PCDHGA7: variants seen among roughly 807,000 people sequenced by gnomAD.
The protein encoded by PCDHGA7 is protocadherin gamma subfamily A, 7.
A neutral mutation model predicts 58.3 loss-of-function variants in PCDHGA7; 44 were observed. The ratio of observed to expected loss-of-function variants is 0.75; its 90% CI spans 0.59 to 0.97. The LOEUF is 0.97. PCDHGA7 is among the 50% of genes least tolerant of loss of function. The pLI is 0.00. For missense variants in PCDHGA7, 1,266 were observed against 1,188.7 expected (o/e 1.06, Z -0.96); for synonymous variants, 516 against 504.2 (o/e 1.02, Z -0.31).
intron 1 of PCDHGA7, chr5:141,409,446 C>A: frequency 6.2e-7 from 1 of 1,613,984 alleles, no homozygotes; most frequent in Middle Eastern, 1.6e-4. Flanking sequence ...CGAGAGCAGA[C>A]ACCAGAATAC....
At chr5:141,389,080 C>T (rs762866893) in intron 1 of PCDHGA7, 8 of 1,613,866 alleles carry the variant, frequency 5.0e-6, no homozygotes, top group African/African-American at 2.7e-5. Flanking sequence ...TCAAGAAACA[C>T]GTATAAATTA....
Position 141,486,970 on chromosome 5 carries a change from T to G in PCDHGA7, c.2425-7837T>G, listed in dbSNP as rs754309905. 1 of 1,614,050 alleles carries G rather than the reference T, an allele frequency of 6.2e-7. No individual in the cohort carries two copies. Among genetic ancestry groups the G allele is most frequent in the African/African-American group, 1.3e-5 (1 of 74,904 alleles). ...CAAAGGTGACTGCTGTGGACTTGGATTCAGGTTACAATGCTTGGGTTTCCT... is the reference window on the plus strand; with the variant it reads ...CAAAGGTGACTGCTGTGGACTTGGAGTCAGGTTACAATGCTTGGGTTTCCT... On this transcript the variant is annotated intron_variant, in intron 1 of 3. Coordinates refer to ENST00000518325, the MANE Select transcript of PCDHGA7 (RefSeq NM_018920.4). This position sits in a 1 kb window ranked among gnomAD's most constrained non-coding sequence, Gnocchi z 5.0.
chr5:141,406,481 T>C (rs2094814987), intron 1 of PCDHGA7, among the ~76,000 whole-genome samples: 2 of 152,242 alleles, frequency 1.3e-5, no homozygotes, highest in Admixed American at 6.5e-5. Flanking sequence ...GGTTATATTT[T>C]TCAGATCACA....
intron 1 of PCDHGA7, chr5:141,408,828 G>C: frequency 6.2e-7 from 1 of 1,613,614 alleles, no homozygotes; most frequent in East Asian, 2.2e-5. Context: ...AGATCTCATA[G>C]CTTGATATTG....
rs775270875 is a variant in PCDHGA7 at position 141,410,577 on chromosome 5, A to G, written c.2424+25254A>G. ...TCTCCTGGAGCCTTAATTCCACCTCATGGTGGGGAGGATTTGACTTCACAT... is the reference window on the plus strand; with the variant it reads ...TCTCCTGGAGCCTTAATTCCACCTCGTGGTGGGGAGGATTTGACTTCACAT... On this transcript the variant is annotated intron_variant, in intron 1 of 3. Coordinates refer to ENST00000518325, the MANE Select transcript of PCDHGA7 (RefSeq NM_018920.4). 4 of 1,610,116 alleles carry G rather than the reference A, an allele frequency of 2.5e-6. No homozygotes were observed. In the Admixed American group the frequency reaches 5.0e-5, roughly 20 times the overall value.
intron 1 of PCDHGA7, chr5:141,395,337 T>G (rs1265011600): frequency 7.0e-7 from 1 of 1,433,514 alleles, no homozygotes; most frequent in African/African-American, 1.4e-5. Context: ...AAATAATTTT[T>G]AAGGTGTATC....
Position 141,490,293 on chromosome 5 carries a change from A to G in PCDHGA7, c.2425-4514A>G, listed in dbSNP as rs1316965652. On this transcript the variant is annotated intron_variant, in intron 1 of 3. Transcript: ENST00000518325. The surrounding 1 kb of genome is among the most constrained non-coding windows in gnomAD (Gnocchi z 5.4). ...TCAATGACAATGCCCCAGAGGTGCTATTGGCCTCTTTGGCCAACCCTGTCC... is the reference window on the plus strand; with the variant it reads ...TCAATGACAATGCCCCAGAGGTGCTGTTGGCCTCTTTGGCCAACCCTGTCC... The G allele has an allele frequency of 1.2e-6, 2 of 1,614,190 alleles. No individual in the cohort carries two copies. The highest frequency in any genetic ancestry group is 8.5e-7 in the Non-Finnish European group (1 of 1,180,028).
At position 141,505,403 on chromosome 5, in the gene PCDHGA7, G is replaced by A; in HGVS notation, c.2494G>A (p.Gly832Ser). The A allele has an allele frequency of 6.2e-7, 1 of 1,614,186 alleles. No individual in the cohort carries two copies. The highest frequency in any genetic ancestry group is 8.5e-7 in the Non-Finnish European group (1 of 1,180,038). ...QRPGTSGSQN[G>S]DDTGTWPNNQ... ...CTACTCTCTCCCCAGCTCCCAAAAT[G>A]GCGATGACACCGGCACCTGGCCCAA... Residue 832 changes from glycine (G) to serine (S), a missense_variant, in exon 3 of 4, where the codon GGC (glycine) becomes AGC (serine). Coordinates refer to ENST00000518325, the MANE Select transcript of PCDHGA7 (RefSeq NM_018920.4).
At position 141,414,415 on chromosome 5, in the gene PCDHGA7, C is replaced by T. The variant is rs769791452; in HGVS notation, c.2424+29092C>T. ...TTACAGATTGGTGATACACAGAGCC[C>T]TTGACAGGGAACAGGTATCCTCTTA... On this transcript the variant is annotated intron_variant, in intron 1 of 3. Coordinates refer to ENST00000518325, the MANE Select transcript of PCDHGA7 (RefSeq NM_018920.4). The T allele has an allele frequency of 2.5e-6, 4 of 1,613,758 alleles. No individual in the cohort carries two copies. Among genetic ancestry groups the T allele is most frequent in the Non-Finnish European group, 8.5e-7 (1 of 1,179,880 alleles).
Position 141,447,812 on chromosome 5 carries a change from G to A in PCDHGA7, c.2425-46995G>A, listed in dbSNP as rs557330895. 5.4e-4 allele frequency among the ~76,000 whole-genome samples: 82 copies of A among 152,254 alleles called. 1 individual carries two copies. The highest frequency in any genetic ancestry group is 1.3e-3 in the Admixed American group (20 of 15,294). On this transcript the variant is annotated intron_variant, in intron 1 of 3. Coordinates refer to ENST00000518325, the MANE Select transcript of PCDHGA7 (RefSeq NM_018920.4). ...TTTAAGAAAATAAAATTGGCTGGGC[G>A]TGGTGGCTCACGCCTGTAATCCCAG...
intron 1 of PCDHGA7, chr5:141,389,554 C>T: frequency 1.2e-6 from 2 of 1,613,184 alleles, no homozygotes; most frequent in South Asian, 1.1e-5. Context: ...AACGACAATG[C>T]GCCACGGGTG....
intron 1 of PCDHGA7, chr5:141,408,692 ATAAAC>A: frequency 1.2e-6 from 2 of 1,613,906 alleles, no homozygotes; most frequent in Non-Finnish European, 1.7e-6. Flanking sequence ...TGATATAAAC[ATAAAC>A]TCAATTAAAG....
chr5:141,409,850 G>A lies in PCDHGA7; in HGVS notation c.2424+24527G>A. ...GCTCAGCGCCAACGTGAGCCTGCGC[G>A]TGTTGGTGGGAGACCGCAATGACAA... On this transcript the variant is annotated intron_variant, in intron 1 of 3. Transcript: ENST00000518325. 6.2e-7 allele frequency: 1 copy of A among 1,612,142 alleles called. No individual in the cohort carries two copies. Among genetic ancestry groups the A allele is most frequent in the African/African-American group, 1.3e-5 (1 of 75,014 alleles).
At chr5:141,471,252 T>C (rs1003162914) in intron 1 of PCDHGA7, 1 of 151,872 alleles carries the variant, frequency 6.6e-6, no homozygotes, top group Non-Finnish European at 1.5e-5. Flanking sequence ...GGTTTCACCA[T>C]GTTGGCAAGG....
chr5:141,389,070 T>C, intron 1 of PCDHGA7: 1 of 1,613,964 alleles, frequency 6.2e-7, no homozygotes, highest in South Asian at 1.1e-5. Flanking sequence ...ATTAACTTCT[T>C]CAAGAAACAC....
intron 1 of PCDHGA7, chr5:141,422,304 A>G: frequency 6.5e-7 from 1 of 1,548,524 alleles, no homozygotes; most frequent in Non-Finnish European, 8.7e-7. Context: ...CAATTCTGGA[A>G]AACTCTCCTC....
At position 141,487,550 on chromosome 5, in the gene PCDHGA7, G is replaced by A. The variant is rs762537798; in HGVS notation, c.2425-7257G>A. 1 of 1,614,160 alleles carries A rather than the reference G, an allele frequency of 6.2e-7. No individual in the cohort carries two copies. The highest frequency in any genetic ancestry group is 1.1e-5 in the South Asian group (1 of 91,082). ...CTTCATGATGGTGAAGTCACCCAGT[G>A]CACCTATGGCAGGGGAGCCTGTTCG... On this transcript the variant is annotated intron_variant, in intron 1 of 3. Transcript: ENST00000518325. The surrounding 1 kb of genome is among the most constrained non-coding windows in gnomAD (Gnocchi z 5.0).
chr5:141,413,111 AG>A lies in PCDHGA7; in HGVS notation c.2424+27790del, dbSNP rs962952666. ...ACACCCTGAAGCCACAGAAAGACAA[AG>A]GAACCGGTTGAAACACACAACGTGT... On this transcript the variant is annotated intron_variant, in intron 1 of 3. Transcript: ENST00000518325. 4.7e-6 allele frequency: 7 copies of A among 1,499,852 alleles called. No individual in the cohort carries two copies. In the African/African-American group the frequency reaches 8.4e-5, roughly 18 times the overall value. 92.9% of individuals were successfully genotyped at this position (1,499,852 alleles called of 1,614,324 possible). A position where few individuals can be genotyped will look rare whatever the true frequency, so the allele number is the denominator to read the frequency against.
chr5:141,389,322 G>C lies in PCDHGA7; in HGVS notation c.2424+3999G>C, dbSNP rs752301649. ...AGTCAGGGCTTCTGATCCGGACTTG[G>C]GGCCCAACGGCCAAGTCTCTTACTG... On this transcript the variant is annotated intron_variant, in intron 1 of 3. Transcript: ENST00000518325. 2 of 1,613,984 alleles carry C rather than the reference G, an allele frequency of 1.2e-6. No homozygotes were observed. Among genetic ancestry groups the C allele is most frequent in the East Asian group, 2.2e-5 (1 of 44,880 alleles).
Sources: gnomAD v4.1 joint callset for allele counts (sites outside exome capture counted in the v4.1 genomes callset) on GRCh38, gnomAD v4.1.1 for gene constraint, Gnocchi (gnomAD v3.1) non-coding constraint, MANE v1.5 for transcripts, NCBI Gene and HGNC (gene_info 2026-07-23, HGNC 2026-07-21) for gene names.